The following CETN1 variants were observed in gnomAD, a reference collection of about 807,000 sequenced individuals.
CETN1 encodes centrin 1.
CETN1 carries 6 observed loss-of-function variants against 8.1 expected under a neutral mutation model. That is an observed-to-expected ratio of 0.74 (90% CI 0.40 to 1.46). The LOEUF (loss-of-function observed/expected upper bound fraction) is 1.46. Among genes scored for constraint, CETN1 ranks in the 40% most tolerant of loss-of-function variants. CETN1 has a pLI of 0.02. For synonymous variants in CETN1, 99 were observed against 90.3 expected (o/e 1.10, Z -0.55); for missense variants, 215 against 226.2 (o/e 0.95, Z 0.32).
At position 580,790 on chromosome 18, in the gene CETN1, C is replaced by G; in HGVS notation, c.382C>G (p.Arg128Gly). 2 of 1,613,956 alleles carry G rather than the reference C, an allele frequency of 1.2e-6. No homozygotes were observed. Among genetic ancestry groups the G allele is most frequent in the Non-Finnish European group, 1.7e-6 (2 of 1,179,996 alleles). ...TGKISFKNLK[R>G]VANELGENLT... is the part of the protein sequence containing the mutation. ...GAAGATCTCGTTCAAAAACCTGAAG[C>G]GTGTGGCCAACGAGCTGGGGGAGAA... is the stretch of plus-strand genomic sequence containing the variant. The change falls in exon 1 of 1, where the codon CGT becomes GGT. Residue 128 changes from arginine to glycine, a missense_variant. Coordinates refer to ENST00000327228, the MANE Select transcript of CETN1 (RefSeq NM_004066.3). This position sits in a 1 kb window ranked among gnomAD's most constrained non-coding sequence, Gnocchi z 6.1.
rs2072547577 is a variant in CETN1, at chr18:581,023, CA to C, written c.*97del. 1.6e-6 allele frequency: 2 copies of C among 1,285,618 alleles called. No homozygotes were observed. The highest frequency in any genetic ancestry group is 4.8e-5 in the Admixed American group (2 of 41,296). The allele number at this position is 1,285,618 out of a possible 1,614,324, so 79.6% of individuals were successfully genotyped here. On this transcript the variant is annotated 3_prime_UTR_variant, in exon 1 of 1. Coordinates refer to ENST00000327228, the MANE Select transcript of CETN1 (RefSeq NM_004066.3). The stretch of plus-strand genomic sequence containing the variant: ...GCTGCCTGTCCCTTCTTCACCCCCT[CA>C]CCCCCATAATTTGTCTAGATCTATT...
rs2072546930 is a variant in CETN1, at chr18:580,909, G to A, written c.501G>A (p.Lys167=). ...AGGAGGAGTTCCTTCGGATCATGAA[G>A]AAGACCAGCCTTTACTGAAGTCGGT... ...VNEEEFLRIM[K]KTSLY The change falls in exon 1 of 1, where the codon AAG becomes AAA. Residue 167 remains lysine (K), a synonymous_variant. Transcript: ENST00000327228. This position sits in a 1 kb window ranked among gnomAD's most constrained non-coding sequence, Gnocchi z 6.1. 1 of 1,612,116 alleles carries A rather than the reference G, an allele frequency of 6.2e-7. No individual in the cohort carries two copies. The highest frequency in any genetic ancestry group is 8.5e-7 in the Non-Finnish European group (1 of 1,178,624).
rs1319870414 is a variant in CETN1 at position 580,531 on chromosome 18, C to T, written c.123C>T (p.Asp41=). 14 of 1,614,186 alleles carry T rather than the reference C, an allele frequency of 8.7e-6. No homozygotes were observed. Among genetic ancestry groups the T allele is most frequent in the Middle Eastern group, 1.6e-4 (1 of 6,062 alleles). ...QEVREAFDLF[D]VDGSGTIDAK... ...TTCGGGAAGCATTTGACCTCTTCGA[C>T]GTGGACGGAAGTGGGACCATCGACG... Residue 41 remains aspartate (D), a synonymous_variant, in exon 1 of 1, where the codon GAC becomes GAT. Transcript: ENST00000327228. This position sits in a 1 kb window ranked among gnomAD's most constrained non-coding sequence, Gnocchi z 6.1.
In CETN1 at chr18:580,821, C is replaced by T; in HGVS notation, c.413C>T (p.Thr138Met). The T allele has an allele frequency of 6.2e-7, 1 of 1,614,018 alleles. No homozygotes were observed. Among genetic ancestry groups the T allele is most frequent in the Non-Finnish European group, 8.5e-7 (1 of 1,179,990 alleles). ...RVANELGENL[T>M]DEELQEMIDE... ...GCCAACGAGCTGGGGGAGAACCTCACGGATGAGGAGCTGCAGGAGATGATC... is the reference window on the plus strand; with the variant it reads ...GCCAACGAGCTGGGGGAGAACCTCATGGATGAGGAGCTGCAGGAGATGATC... Residue 138 changes from threonine to methionine, a missense_variant, in exon 1 of 1, where the codon ACG (threonine) becomes ATG (methionine). By Grantham distance (81) the Thr-to-Met change is moderately conservative (BLOSUM62 -1). Transcript: ENST00000327228. The surrounding 1 kb of genome is among the most constrained non-coding windows in gnomAD (Gnocchi z 6.1).
Position 581,210 on chromosome 18 carries a change from G to T in CETN1, c.*283G>T. On this transcript the variant is annotated 3_prime_UTR_variant, in exon 1 of 1. Coordinates refer to ENST00000327228, the MANE Select transcript of CETN1 (RefSeq NM_004066.3). ...CCTGTGCTGAACTTGCTGTTCATCT[G>T]TTGATCTGGAGGCAGGACAGCTTCT... is the stretch of plus-strand genomic sequence containing the variant. 3.9e-6 allele frequency: 1 copy of T among 255,152 alleles called. No individual in the cohort carries two copies. Among genetic ancestry groups the T allele is most frequent in the African/African-American group, 2.7e-5 (1 of 37,394 alleles). 15.8% of individuals were successfully genotyped at this position (255,152 alleles called of 1,614,324 possible).
Position 581,507 on chromosome 18 carries a change from G to A in CETN1, c.*580G>A, listed in dbSNP as rs1195854825. On this transcript the variant is annotated 3_prime_UTR_variant, in exon 1 of 1. Transcript: ENST00000327228. ...GTTGTGCAATTTTGACTATTCACTG[G>A]CTTTATACCTGCAAATGATTCTTCG... The A allele has an allele frequency of 6.0e-6, 1 of 167,332 alleles. No individual in the cohort carries two copies. The highest frequency in any genetic ancestry group is 1.5e-5 in the Non-Finnish European group (1 of 68,442). The allele number at this position is 167,332 out of a possible 1,614,324, so 10.4% of individuals were successfully genotyped here. A position where few individuals can be genotyped will look rare whatever the true frequency, so the allele number is the denominator to read the frequency against.
In CETN1 at chr18:580,560, A is replaced by C; in HGVS notation, c.152A>C (p.Lys51Thr). 6.2e-7 allele frequency: 1 copy of C among 1,614,192 alleles called. No homozygotes were observed. Among genetic ancestry groups the C allele is most frequent in the Non-Finnish European group, 8.5e-7 (1 of 1,180,018 alleles). ...DVDGSGTIDA[K>T]ELKVAMRALG... ...GACGGAAGTGGGACCATCGACGCGA[A>C]GGAGCTGAAGGTGGCCATGAGAGCG... The change falls in exon 1 of 1, where the codon AAG (lysine) becomes ACG (threonine). Residue 51 changes from lysine (K) to threonine (T), a missense_variant. By Grantham distance (78) the Lys-to-Thr change is moderately conservative (BLOSUM62 -1). Transcript: ENST00000327228. This position sits in a 1 kb window ranked among gnomAD's most constrained non-coding sequence, Gnocchi z 6.1.
At position 580,817 on chromosome 18, in the gene CETN1, C is replaced by T. The variant is rs1049729202; in HGVS notation, c.409C>T (p.Leu137Phe). The change falls in exon 1 of 1, where the codon CTC (leucine) becomes TTC (phenylalanine). Residue 137 changes from leucine to phenylalanine, a missense_variant. By Grantham distance (22) the Leu-to-Phe change is conservative. Transcript: ENST00000327228. The surrounding 1 kb of genome is among the most constrained non-coding windows in gnomAD (Gnocchi z 6.1). The part of the protein sequence containing the change: ...KRVANELGEN[L>F]TDEELQEMID... Reference sequence around the variant, plus strand: ...TGTGGCCAACGAGCTGGGGGAGAACCTCACGGATGAGGAGCTGCAGGAGAT... The same window carrying T: ...TGTGGCCAACGAGCTGGGGGAGAACTTCACGGATGAGGAGCTGCAGGAGAT... The T allele has an allele frequency of 1.3e-5, 21 of 1,613,962 alleles. No homozygotes were observed. Among genetic ancestry groups the T allele is most frequent in the Non-Finnish European group, 1.8e-5 (21 of 1,180,024 alleles).
chr18:580,918 C>T lies in CETN1; in HGVS notation c.510C>T (p.Ser170=). 6.2e-7 allele frequency: 1 copy of T among 1,608,806 alleles called. No homozygotes were observed. Among genetic ancestry groups the T allele is most frequent in the Non-Finnish European group, 8.5e-7 (1 of 1,176,502 alleles). Residue 170 remains serine, a synonymous_variant, in exon 1 of 1, where the codon AGC becomes AGT. Transcript: ENST00000327228. The surrounding 1 kb of genome is among the most constrained non-coding windows in gnomAD (Gnocchi z 6.1). Reference sequence around the variant, plus strand: ...TCCTTCGGATCATGAAGAAGACCAGCCTTTACTGAAGTCGGTTCAGAAGCT... The same window carrying T: ...TCCTTCGGATCATGAAGAAGACCAGTCTTTACTGAAGTCGGTTCAGAAGCT... ...EEFLRIMKKT[S]LY
Position 581,660 on chromosome 18 carries a change from C to T in CETN1, c.*733C>T, listed in dbSNP as rs957490336. The T allele has an allele frequency of 2.4e-5, 4 of 166,824 alleles. No individual in the cohort carries two copies. The highest frequency in any genetic ancestry group is 2.1e-4 in the South Asian group (1 of 4,826). 10.3% of individuals were successfully genotyped at this position (166,824 alleles called of 1,614,324 possible). A position where few individuals can be genotyped will look rare whatever the true frequency, so the allele number is the denominator to read the frequency against. ...TTGCTTAAGAGGTTACGCTAACAAA[C>T]GATTTTGAGTAAATATTTACAAATG... On this transcript the variant is annotated 3_prime_UTR_variant, in exon 1 of 1. Transcript: ENST00000327228.
rs1046815869 is a variant in CETN1, at chr18:582,036, T to C, written c.*1109T>C. On this transcript the variant is annotated 3_prime_UTR_variant, in exon 1 of 1. Transcript: ENST00000327228. ...TTGCTTTGGAGTAAGATATCATCAT[T>C]TTGCATAGCTACAAATCTGAAGTTA... The C allele has an allele frequency of 6.0e-6, 1 of 166,106 alleles. No homozygotes were observed. The highest frequency in any genetic ancestry group is 2.4e-5 in the African/African-American group (1 of 41,458). 10.3% of individuals were successfully genotyped at this position (166,106 alleles called of 1,614,324 possible). A position where few individuals can be genotyped will look rare whatever the true frequency, so the allele number is the denominator to read the frequency against.
rs1295750619 is a variant in CETN1 at position 580,882 on chromosome 18, CGA to C, written c.476_477del (p.Glu159GlyfsTer22). On this transcript the variant is annotated frameshift_variant, in exon 1 of 1. Coordinates refer to ENST00000327228, the MANE Select transcript of CETN1 (RefSeq NM_004066.3). LOFTEE classifies it high-confidence loss of function. This position sits in a 1 kb window ranked among gnomAD's most constrained non-coding sequence, Gnocchi z 6.1. ...ATCGGGATGGGGACGGCGAAGTGAACGAGGAGGAGTTCCTTCGGATCATGAAG... is the reference window on the plus strand; with the variant it reads ...ATCGGGATGGGGACGGCGAAGTGAACGGAGGAGTTCCTTCGGATCATGAAG... ...ADRDGDGEVN[E>X]EEFLRIMKKT... 8.1e-6 allele frequency: 13 copies of C among 1,613,572 alleles called. No individual in the cohort carries two copies. The East Asian group carries it at 2.9e-4, about 36-fold the overall frequency.
At position 581,985 on chromosome 18, in the gene CETN1, G is replaced by T. The variant is rs1332685861; in HGVS notation, c.*1058G>T. 1.2e-5 allele frequency: 2 copies of T among 166,912 alleles called. No homozygotes were observed. Among genetic ancestry groups the T allele is most frequent in the Non-Finnish European group, 2.9e-5 (2 of 68,102 alleles). The allele number at this position is 166,912 out of a possible 1,614,324, so 10.3% of individuals were successfully genotyped here. A position where few individuals can be genotyped will look rare whatever the true frequency, so the allele number is the denominator to read the frequency against. ...TGTGGCTTGTTTATGTGTTAATACT[G>T]CTTGTTTTCTGTTATAAATTATTTT... On this transcript the variant is annotated 3_prime_UTR_variant, in exon 1 of 1. Coordinates refer to ENST00000327228, the MANE Select transcript of CETN1 (RefSeq NM_004066.3).
Position 581,197 on chromosome 18 carries a change from T to C in CETN1, c.*270T>C. 5.7e-6 allele frequency: 2 copies of C among 348,746 alleles called. No individual in the cohort carries two copies. Among genetic ancestry groups the C allele is most frequent in the Non-Finnish European group, 1.0e-5 (2 of 191,170 alleles). 21.6% of individuals were successfully genotyped at this position (348,746 alleles called of 1,614,324 possible). ...GCCCTCCATTTGCCCTGTGCTGAAC[T>C]TGCTGTTCATCTGTTGATCTGGAGG... On this transcript the variant is annotated 3_prime_UTR_variant, in exon 1 of 1. Coordinates refer to ENST00000327228, the MANE Select transcript of CETN1 (RefSeq NM_004066.3).
In CETN1 at chr18:580,605, A is replaced by C; in HGVS notation, c.197A>C (p.Lys66Thr). The change falls in exon 1 of 1, where the codon AAG (lysine) becomes ACG (threonine). Residue 66 changes from lysine (K) to threonine (T), a missense_variant. Lys to Thr is a moderately conservative substitution (Grantham distance 78). Coordinates refer to ENST00000327228, the MANE Select transcript of CETN1 (RefSeq NM_004066.3). This position sits in a 1 kb window ranked among gnomAD's most constrained non-coding sequence, Gnocchi z 6.1. Reference sequence around the variant, plus strand: ...AGAGCGCTGGGCTTCGAACCCAGGAAGGAAGAGATGAAGAAAATGATCTCC... The same window carrying C: ...AGAGCGCTGGGCTTCGAACCCAGGACGGAAGAGATGAAGAAAATGATCTCC... ...AMRALGFEPR[K>T]EEMKKMISEV... is the part of the protein sequence containing the mutation. 1 of 1,614,166 alleles carries C rather than the reference A, an allele frequency of 6.2e-7. No homozygotes were observed. Among genetic ancestry groups the C allele is most frequent in the South Asian group, 1.1e-5 (1 of 91,086 alleles).
In CETN1 at chr18:581,259, C is replaced by T. The variant is rs2072548988; in HGVS notation, c.*332C>T. The T allele has an allele frequency of 4.3e-6, 1 of 233,916 alleles. No individual in the cohort carries two copies. The highest frequency in any genetic ancestry group is 2.3e-5 in the African/African-American group (1 of 43,578). 14.5% of individuals were successfully genotyped at this position (233,916 alleles called of 1,614,324 possible). ...CTGGGACACACAAAAATGTGGTTCC[C>T]TTTGTCACTTCTTTGGTGGTCTTAA... On this transcript the variant is annotated 3_prime_UTR_variant, in exon 1 of 1. Coordinates refer to ENST00000327228, the MANE Select transcript of CETN1 (RefSeq NM_004066.3).
chr18:580,907 A>T lies in CETN1; in HGVS notation c.499A>T (p.Lys167Ter). 1 of 1,612,244 alleles carries T rather than the reference A, an allele frequency of 6.2e-7. No individual in the cohort carries two copies. The highest frequency in any genetic ancestry group is 8.5e-7 in the Non-Finnish European group (1 of 1,178,734). ...VNEEEFLRIM[K>*]KTSLY The stretch of plus-strand genomic sequence containing the variant: ...CGAGGAGGAGTTCCTTCGGATCATG[A>T]AGAAGACCAGCCTTTACTGAAGTCG... The change falls in exon 1 of 1, where the codon AAG becomes TAG. Residue 167 changes from lysine (K) to a stop codon, truncating the protein, a stop_gained. Coordinates refer to ENST00000327228, the MANE Select transcript of CETN1 (RefSeq NM_004066.3). LOFTEE classifies it high-confidence loss of function. This position sits in a 1 kb window ranked among gnomAD's most constrained non-coding sequence, Gnocchi z 6.1.
In CETN1 at chr18:580,537, C is replaced by T. The variant is rs144514549; in HGVS notation, c.129C>T (p.Asp43=). The T allele has an allele frequency of 1.0e-4, 161 of 1,614,174 alleles. No individual in the cohort carries two copies. In the African/African-American group the frequency reaches 1.9e-3, roughly 20 times the overall value. ...VREAFDLFDV[D]GSGTIDAKEL... is the part of the protein sequence containing the mutation. ...AAGCATTTGACCTCTTCGACGTGGA[C>T]GGAAGTGGGACCATCGACGCGAAGG... is the stretch of plus-strand genomic sequence containing the variant. The change falls in exon 1 of 1, where the codon GAC becomes GAT. Residue 43 remains aspartate, a synonymous_variant. Transcript: ENST00000327228. This position sits in a 1 kb window ranked among gnomAD's most constrained non-coding sequence, Gnocchi z 6.1.
chr18:580,631 G>C lies in CETN1; in HGVS notation c.223G>C (p.Glu75Gln). The C allele has an allele frequency of 6.2e-7, 1 of 1,614,124 alleles. No individual in the cohort carries two copies. Among genetic ancestry groups the C allele is most frequent in the Non-Finnish European group, 8.5e-7 (1 of 1,180,018 alleles). The change falls in exon 1 of 1, where the codon GAG (glutamate) becomes CAG (glutamine). Residue 75 changes from glutamate to glutamine, a missense_variant. Physicochemically the swap from Glu to Gln is conservative, Grantham distance 29. Transcript: ENST00000327228. The surrounding 1 kb of genome is among the most constrained non-coding windows in gnomAD (Gnocchi z 6.1). ...RKEEMKKMIS[E>Q]VDREGTGKIS... is the part of the protein sequence containing the mutation. ...GGAAGAGATGAAGAAAATGATCTCC[G>C]AGGTGGACAGGGAAGGCACGGGGAA...
Sources: gnomAD v4.1 joint callset for allele counts on GRCh38, gnomAD v4.1.1 for gene constraint, Gnocchi (gnomAD v3.1) non-coding constraint, MANE v1.5 for transcripts, NCBI Gene and HGNC (gene_info 2026-07-23, HGNC 2026-07-21) for gene names.